The following HS6ST3 variants were observed in gnomAD, a reference collection of about 807,000 sequenced individuals.
HS6ST3 encodes heparan sulfate 6-O-sulfotransferase 3.
In HS6ST3, 12 loss-of-function variants were observed where a neutral mutation model predicts 36.7. That is an observed-to-expected ratio of 0.33 (90% CI 0.21 to 0.53). The LOEUF (loss-of-function observed/expected upper bound fraction) is 0.53, where lower values mean the gene tolerates loss of function less well. Among genes scored for constraint, HS6ST3 ranks in the 20% least tolerant of loss-of-function variants. HS6ST3 has a pLI of 0.95. For missense variants in HS6ST3, 584 were observed against 640.9 expected (o/e 0.91, Z 0.96); for synonymous variants, 240 against 257.5 (o/e 0.93, Z 0.65).
Position 96,220,916 on chromosome 13 carries a change from C to T in HS6ST3, c.707+129347C>T, listed in dbSNP as rs1001879095. Among the ~76,000 whole-genome samples the T allele has an allele frequency of 9.2e-5, 14 of 152,040 alleles. 1 individual carries two copies. The South Asian group carries it at 1.0e-3, about 11-fold the overall frequency. The stretch of plus-strand genomic sequence containing the variant: ...ATTGCATTAAGAAATTACTCAATTA[C>T]GCAATTTGAGTGTTCCATGTATTTC... On this transcript the variant is annotated intron_variant, in intron 1 of 1. Transcript: ENST00000376705.
intron 1 of HS6ST3, among the ~76,000 whole-genome samples, chr13:96,675,283 T>A (rs563575420): frequency 1.3e-5 from 2 of 152,192 alleles, no homozygotes; most frequent in South Asian, 4.2e-4. Flanking sequence ...AACTACATTT[T>A]CTGATTTTGA....
intron 1 of HS6ST3, among the ~76,000 whole-genome samples, chr13:96,183,996 A>G (rs575750727): frequency 1.1e-3 from 169 of 152,078 alleles, no homozygotes; most frequent in African/African-American, 3.8e-3. Flanking sequence ...AGGTCAAGAG[A>G]TGGAGACCAT....
chr13:96,738,016 C>T (rs553735769), intron 1 of HS6ST3, among the ~76,000 whole-genome samples: 3 of 152,276 alleles, frequency 2.0e-5, no homozygotes, highest in South Asian at 4.1e-4. Context: ...ATTTTAAGAT[C>T]GTTACATTAT....
chr13:96,131,236 A>G (rs986260158), intron 1 of HS6ST3, among the ~76,000 whole-genome samples: 3 of 152,210 alleles, frequency 2.0e-5, no homozygotes, highest in African/African-American at 7.2e-5. Context: ...ATGTAAGAGA[A>G]GAGTATATTT....
At chr13:96,688,098 T>C (rs1874836613) in intron 1 of HS6ST3, among the ~76,000 whole-genome samples, 1 of 150,910 alleles carries the variant, frequency 6.6e-6, no homozygotes, top group Admixed American at 6.6e-5. Flanking sequence ...AGGGATAGCA[T>C]TAGGAGATAT....
chr13:96,734,558 A>G (rs936440359), intron 1 of HS6ST3, among the ~76,000 whole-genome samples: 8 of 152,348 alleles, frequency 5.3e-5, no homozygotes, highest in African/African-American at 9.6e-5. Context: ...AGAATTTCAT[A>G]TAGATGTAAT....
intron 1 of HS6ST3, among the ~76,000 whole-genome samples, chr13:96,326,225 G>C (rs2055030636): frequency 6.7e-6 from 1 of 148,832 alleles, no homozygotes; most frequent in Admixed American, 6.7e-5. Flanking sequence ...TGTGCACAAT[G>C]TGCAGGTTAG....
intron 1 of HS6ST3, among the ~76,000 whole-genome samples, chr13:96,572,105 G>C (rs1178731285): frequency 6.6e-6 from 1 of 152,168 alleles, no homozygotes; most frequent in African/African-American, 2.4e-5. Flanking sequence ...AGAAGACCTG[G>C]GTTCTAGGCT....
chr13:96,499,597 C>T (rs74460380), intron 1 of HS6ST3, among the ~76,000 whole-genome samples: 99 of 151,948 alleles, frequency 6.5e-4, no homozygotes, highest in African/African-American at 2.2e-3. Flanking sequence ...ATGAGGAAAG[C>T]GACATGTGAG....
intron 1 of HS6ST3, among the ~76,000 whole-genome samples, chr13:96,566,007 CATAGAG>C (rs879499850): frequency 2.6e-5 from 4 of 151,620 alleles, no homozygotes; most frequent in Admixed American, 6.6e-5. Flanking sequence ...TAAGTATTCT[CATAGAG>C]ATAAAGTATT....
intron 1 of HS6ST3, among the ~76,000 whole-genome samples, chr13:96,694,023 T>G (rs1012305211): frequency 6.6e-6 from 1 of 152,206 alleles, no homozygotes; most frequent in African/African-American, 2.4e-5. Context: ...CTTCTTTTTT[T>G]AATTTTATTT....
chr13:96,114,566 T>A (rs2053885082), intron 1 of HS6ST3, among the ~76,000 whole-genome samples: 1 of 152,208 alleles, frequency 6.6e-6, no homozygotes. Flanking sequence ...TTACCATTTT[T>A]TGTGCCTCTG....
intron 1 of HS6ST3, among the ~76,000 whole-genome samples, chr13:96,328,829 T>A (rs2055047986): frequency 1.3e-5 from 2 of 152,190 alleles, no homozygotes; most frequent in Non-Finnish European, 2.9e-5. Flanking sequence ...TTTTGGTTGG[T>A]AAACTATTGA....
Position 96,838,336 on chromosome 13 carries a change from CATTGGA to C in HS6ST3, c.*5141_*5146del, listed in dbSNP as rs926968884. On this transcript the variant is annotated 3_prime_UTR_variant, in exon 2 of 2. Transcript: ENST00000376705. The stretch of plus-strand genomic sequence containing the variant: ...AGAGGATCTTGAGACAGGACCAGAG[CATTGGA>C]ATGGTTGTAGGGACTGAAAGCTGAG... The C allele has an allele frequency of 1.3e-5, 2 of 152,176 alleles. No homozygotes were observed. Among genetic ancestry groups the C allele is most frequent in the African/African-American group, 4.8e-5 (2 of 41,436 alleles). The allele number at this position is 152,176 out of a possible 1,614,324, so 9.4% of individuals were successfully genotyped here. A position where few individuals can be genotyped will look rare whatever the true frequency, so the allele number is the denominator to read the frequency against.
At chr13:96,528,351 GA>G (rs1381788350) in intron 1 of HS6ST3, among the ~76,000 whole-genome samples, 1 of 152,066 alleles carries the variant, frequency 6.6e-6, no homozygotes, top group African/African-American at 2.4e-5. Flanking sequence ...TCACTTTGAG[GA>G]AAACAAATGA....
chr13:96,574,857 A>C lies in HS6ST3; in HGVS notation c.708-257633A>C, dbSNP rs921682423. The stretch of plus-strand genomic sequence containing the variant: ...TGGAATTGATGATCCACGAGGGTTG[A>C]ACACACACACACCCCTGCAGCTGCC... On this transcript the variant is annotated intron_variant, in intron 1 of 1. Transcript: ENST00000376705. Among the ~76,000 whole-genome samples the C allele has an allele frequency of 2.6e-5, 4 of 152,056 alleles. No individual in the cohort carries two copies. The East Asian group carries it at 7.7e-4, about 29-fold the overall frequency.
intron 1 of HS6ST3, among the ~76,000 whole-genome samples, chr13:96,587,769 A>C (rs1240823826): frequency 1.3e-5 from 2 of 152,238 alleles, no homozygotes; most frequent in African/African-American, 2.4e-5. Context: ...ACTTCCTCTC[A>C]GTACTGTTAC....
At chr13:96,576,611 T>C (rs1420864922) in intron 1 of HS6ST3, among the ~76,000 whole-genome samples, 1 of 152,170 alleles carries the variant, frequency 6.6e-6, no homozygotes, top group Admixed American at 6.5e-5. Flanking sequence ...CACGCAAGAA[T>C]TTACAGTGCC....
At chr13:96,547,581 CAAAG>C (rs1413368836) in intron 1 of HS6ST3, among the ~76,000 whole-genome samples, 1 of 152,194 alleles carries the variant, frequency 6.6e-6, no homozygotes, top group Middle Eastern at 3.4e-3. Flanking sequence ...TAAAGACTTA[CAAAG>C]AAAGAGAGAG....
Sources: allele counts gnomAD v4.1 joint callset (sites outside exome capture counted in the v4.1 genomes callset), GRCh38; gene constraint gnomAD v4.1.1; transcripts MANE v1.5; gene names NCBI Gene and HGNC (gene_info 2026-07-23, HGNC 2026-07-21).